JAZF1: variants seen among roughly 807,000 people sequenced by gnomAD.
JAZF1 encodes juxtaposed with another zinc finger protein 1.
A neutral mutation model predicts 26.4 loss-of-function variants in JAZF1; 8 were observed. The ratio of observed to expected loss-of-function variants is 0.30; its 90% CI spans 0.18 to 0.55. JAZF1 has a LOEUF of 0.55. Among genes scored for constraint, JAZF1 ranks in the 20% least tolerant of loss-of-function variants. The probability of loss-of-function intolerance (pLI) is 0.94; values close to 1 mark genes in which losing one functional copy is unlikely to be tolerated. For synonymous variants in JAZF1, 126 were observed against 122.3 expected (o/e 1.03, Z -0.20); for missense variants, 199 against 322.0 (o/e 0.62, Z 2.92).
intron 1 of JAZF1, among the ~76,000 whole-genome samples, chr7:28,141,240 G>C (rs980159067): frequency 6.6e-6 from 1 of 152,166 alleles, no homozygotes; most frequent in African/African-American, 2.4e-5. Context: ...CAAACAAAAT[G>C]AACAAGCACC....
At chr7:28,065,449 G>A (rs976411695) in intron 1 of JAZF1, among the ~76,000 whole-genome samples, 3 of 152,092 alleles carry the variant, frequency 2.0e-5, no homozygotes, top group African/African-American at 7.2e-5. Flanking sequence ...CAATCAGACA[G>A]TGAGGTGAGG....
chr7:28,068,715 A>C (rs994996114), intron 1 of JAZF1, among the ~76,000 whole-genome samples: 3 of 151,574 alleles, frequency 2.0e-5, no homozygotes, highest in African/African-American at 4.9e-5. Flanking sequence ...TTTTTAAAAA[A>C]GGAGGAGGAC....
At chr7:27,915,037 A>G (rs1435544404) in intron 2 of JAZF1, among the ~76,000 whole-genome samples, 3 of 152,232 alleles carry the variant, frequency 2.0e-5, no homozygotes, top group Non-Finnish European at 4.4e-5. Context: ...CATTTTAGCT[A>G]CAAATTACTG....
intron 2 of JAZF1, among the ~76,000 whole-genome samples, chr7:27,953,171 G>C (rs543572751): frequency 6.6e-6 from 1 of 152,262 alleles, no homozygotes; most frequent in East Asian, 1.9e-4. Context: ...GTCATATAAG[G>C]CTTTATAGCC....
At chr7:28,111,095 A>C (rs1784654413) in intron 1 of JAZF1, among the ~76,000 whole-genome samples, 1 of 152,210 alleles carries the variant, frequency 6.6e-6, no homozygotes, top group Non-Finnish European at 1.5e-5. Context: ...AAAAGTAAGG[A>C]ATTCATAGAA....
intron 2 of JAZF1, among the ~76,000 whole-genome samples, chr7:27,959,383 T>C (rs1275388048): frequency 6.6e-6 from 1 of 152,260 alleles, no homozygotes; most frequent in Non-Finnish European, 1.5e-5. Context: ...CTGATTACTT[T>C]AACCCTATGA....
At chr7:27,909,946 T>C (rs1205424345) in intron 2 of JAZF1, among the ~76,000 whole-genome samples, 1 of 152,146 alleles carries the variant, frequency 6.6e-6, no homozygotes, top group East Asian at 1.9e-4. Context: ...TCCAACATAG[T>C]TCCTGGGAAA....
At chr7:28,064,103 A>G (rs577787628) in intron 1 of JAZF1, among the ~76,000 whole-genome samples, 1 of 152,114 alleles carries the variant, frequency 6.6e-6, no homozygotes, top group Non-Finnish European at 1.5e-5. Context: ...GACATCCTGT[A>G]AATTATAATT....
intron 1 of JAZF1, among the ~76,000 whole-genome samples, chr7:28,043,874 C>T (rs1315321203): frequency 6.6e-6 from 1 of 151,630 alleles, no homozygotes; most frequent in Non-Finnish European, 1.5e-5. Context: ...GTGAAAGAAA[C>T]AAGACACAAG....
chr7:28,073,867 CATAAA>C (rs530834922), intron 1 of JAZF1, among the ~76,000 whole-genome samples: 2 of 149,566 alleles, frequency 1.3e-5, no homozygotes, highest in African/African-American at 2.5e-5. Context: ...AGAAGCAAAA[CATAAA>C]ATAAAATAAT....
intron 3 of JAZF1, among the ~76,000 whole-genome samples, chr7:27,870,027 G>A (rs1783551993): frequency 6.6e-6 from 1 of 151,590 alleles, no homozygotes; most frequent in African/African-American, 2.4e-5. Flanking sequence ...TCCTGCCTCA[G>A]CCTCCTGAGT....
intron 1 of JAZF1, among the ~76,000 whole-genome samples, chr7:28,036,255 C>A (rs940354048): frequency 6.6e-6 from 1 of 152,150 alleles, no homozygotes; most frequent in Non-Finnish European, 1.5e-5. Flanking sequence ...AGCAGCCCTG[C>A]CTAGAATAAA....
At chr7:27,923,230 A>G (rs1413219702) in intron 2 of JAZF1, among the ~76,000 whole-genome samples, 4 of 152,236 alleles carry the variant, frequency 2.6e-5, no homozygotes, top group Admixed American at 2.6e-4. Flanking sequence ...TGGTATAGAC[A>G]AGACCAGCAT....
In JAZF1 at chr7:28,144,583, T is replaced by C. The variant is rs576137756; in HGVS notation, c.115+35880A>G. 7.9e-5 allele frequency among the ~76,000 whole-genome samples: 12 copies of C among 152,268 alleles called. No homozygotes were observed. In the South Asian group the frequency reaches 2.5e-3, roughly 32 times the overall value. The stretch of plus-strand genomic sequence containing the variant: ...CTCACTGCCAGGGGTCTGTACAGGC[T>C]CTTTACAGAGCAGCTGGAGAGGAAA... On this transcript the variant is annotated intron_variant, in intron 1 of 4. Coordinates refer to ENST00000283928, the MANE Select transcript of JAZF1 (RefSeq NM_175061.4).
intron 1 of JAZF1, among the ~76,000 whole-genome samples, chr7:28,179,338 C>G (rs1783597343): frequency 1.3e-5 from 2 of 152,176 alleles, no homozygotes; most frequent in African/African-American, 4.8e-5. Context: ...AAAATGTGTG[C>G]AATGACTTCT....
At chr7:28,150,696 A>G (rs1330115153) in intron 1 of JAZF1, among the ~76,000 whole-genome samples, 1 of 152,220 alleles carries the variant, frequency 6.6e-6, no homozygotes, top group Non-Finnish European at 1.5e-5. Context: ...CGGGGGAGAC[A>G]TTAGGAAGCA....
intron 1 of JAZF1, among the ~76,000 whole-genome samples, chr7:28,095,354 T>C (rs911387504): frequency 1.3e-5 from 2 of 152,104 alleles, no homozygotes; most frequent in African/African-American, 4.8e-5. Flanking sequence ...CTTACGATCA[T>C]GGCGGATGGT....
At chr7:27,926,208 T>C (rs777928439) in intron 2 of JAZF1, among the ~76,000 whole-genome samples, 4 of 152,124 alleles carry the variant, frequency 2.6e-5, no homozygotes, top group Non-Finnish European at 5.9e-5. Context: ...TTTGGGGAAA[T>C]CTTGGCTGAG....
chr7:28,034,441 T>A (rs1783249347), intron 1 of JAZF1, among the ~76,000 whole-genome samples: 1 of 137,554 alleles, frequency 7.3e-6, no homozygotes, highest in Admixed American at 7.6e-5. Flanking sequence ...GGGTGGCCAG[T>A]TATAATAAAA....
Sources: gnomAD v4.1 joint callset for allele counts (sites outside exome capture counted in the v4.1 genomes callset) on GRCh38, gnomAD v4.1.1 for gene constraint, MANE v1.5 for transcripts, NCBI Gene and HGNC (gene_info 2026-07-23, HGNC 2026-07-21) for gene names.